ZXDC: variants seen among roughly 807,000 people sequenced by gnomAD.
ZXDC encodes the protein ZXD family zinc finger C.
In ZXDC, 58 loss-of-function variants were observed where a neutral mutation model predicts 63.6. The ratio of observed to expected loss-of-function variants is 0.91; its 90% CI spans 0.74 to 1.13. The LOEUF is 1.13. ZXDC is among the 50% of genes most tolerant of loss of function. The pLI, the probability that ZXDC is intolerant of heterozygous loss-of-function variation, is 0.00. For missense variants in ZXDC, 1,133 were observed against 1,148.9 expected (o/e 0.99, Z 0.20); for synonymous variants, 561 against 496.1 (o/e 1.13, Z -1.74).
At chr3:126,465,629 G>A (rs1934726663) in intron 5 of ZXDC, among the ~76,000 whole-genome samples, 1 of 152,208 alleles carries the variant, frequency 6.6e-6, no homozygotes, top group Non-Finnish European at 1.5e-5. Flanking sequence ...TCAACAAAGT[G>A]AAACATTCTT....
intron 6 of ZXDC, chr3:126,460,135 G>A (rs144596331): frequency 1.1e-5 from 11 of 985,406 alleles, no homozygotes; most frequent in East Asian, 2.3e-4. Context: ...TGGCAGGCCC[G>A]GGGCAGGTCC....
intron 7 of ZXDC, among the ~76,000 whole-genome samples, chr3:126,447,820 G>T (rs1933938974): frequency 6.6e-6 from 1 of 152,236 alleles, no homozygotes; most frequent in South Asian, 2.1e-4. Context: ...CTGACAGGCT[G>T]CCTCGCCCCA....
chr3:126,460,482 G>A (rs1343371467), intron 6 of ZXDC: 1 of 985,236 alleles, frequency 1.0e-6, no homozygotes, highest in Non-Finnish European at 1.2e-6. Flanking sequence ...GGTCTTGCTG[G>A]CTTCTCTACC....
At chr3:126,470,446 A>AC (rs1934941459) in intron 4 of ZXDC, among the ~76,000 whole-genome samples, 1 of 152,256 alleles carries the variant, frequency 6.6e-6, no homozygotes, top group Non-Finnish European at 1.5e-5. Context: ...AGCCTGGGTG[A>AC]CAGAGCAAGA....
intron 6 of ZXDC, 33 bp from the exon 7 acceptor site, chr3:126,459,770 T>C (rs747265060): frequency 2.2e-5 from 36 of 1,614,014 alleles, no homozygotes; most frequent in Non-Finnish European, 3.0e-5. Context: ...CAGTCACTTA[T>C]CTAGACACAA....
intron 7 of ZXDC, chr3:126,458,744 T>C (rs1035341945): frequency 1.0e-6 from 1 of 985,366 alleles, no homozygotes; most frequent in African/African-American, 1.7e-5. Context: ...CCTTGGTATA[T>C]GGTCAACTCT....
At chr3:126,453,394 T>C (rs1004614684) in intron 7 of ZXDC, 53 of 985,250 alleles carry the variant, frequency 5.4e-5, no homozygotes, top group South Asian at 1.9e-4. Flanking sequence ...AGCTGTCACA[T>C]TTAAGCATCA....
chr3:126,438,502 G>A, intron 9 of ZXDC, 41 bp from the exon 10 acceptor site: 1 of 1,566,464 alleles, frequency 6.4e-7, no homozygotes, highest in Non-Finnish European at 8.7e-7. Context: ...AGGAGGGAGG[G>A]GAGGCAGAGG....
chr3:126,462,880 GC>G (rs1478423835), intron 5 of ZXDC, among the ~76,000 whole-genome samples: 2 of 152,122 alleles, frequency 1.3e-5, no homozygotes, highest in Non-Finnish European at 2.9e-5. Flanking sequence ...TTCCAGGCAT[GC>G]TGGGGGCCCC....
chr3:126,464,254 A>G (rs1469630916), intron 5 of ZXDC, among the ~76,000 whole-genome samples: 2 of 152,236 alleles, frequency 1.3e-5, no homozygotes, highest in Non-Finnish European at 2.9e-5. Context: ...TAGATAGCAG[A>G]GCATCTGGCA....
At chr3:126,459,978 A>C in intron 6 of ZXDC, 1 of 985,498 alleles carries the variant, frequency 1.0e-6, no homozygotes, top group Non-Finnish European at 1.2e-6. Flanking sequence ...ATTCCTTCAT[A>C]GTCTAAAACA....
At chr3:126,442,213 C>A (rs1032277434) in intron 7 of ZXDC, 5 of 261,350 alleles carry the variant, frequency 1.9e-5, no homozygotes, top group Non-Finnish European at 2.8e-5. Flanking sequence ...TAATCAGACA[C>A]AAGCTGCAAA....
chr3:126,465,852 G>T (rs1388815108), intron 5 of ZXDC, among the ~76,000 whole-genome samples: 2 of 152,210 alleles, frequency 1.3e-5, no homozygotes, highest in African/African-American at 4.8e-5. Flanking sequence ...TCTGGAGACT[G>T]GGGTGGGAGG....
At chr3:126,443,024 T>A (rs939197049) in intron 7 of ZXDC, 2 of 152,210 alleles carry the variant, frequency 1.3e-5, no homozygotes, top group Non-Finnish European at 2.9e-5. Context: ...GTGCCCTGGG[T>A]CCCGGAGAGC....
intron 7 of ZXDC, among the ~76,000 whole-genome samples, chr3:126,447,703 T>C (rs1226199220): frequency 6.6e-6 from 1 of 152,224 alleles, no homozygotes; most frequent in Non-Finnish European, 1.5e-5. Context: ...TTGATTCATA[T>C]TTGTGATGTT....
intron 5 of ZXDC, among the ~76,000 whole-genome samples, chr3:126,464,864 AATTT>A (rs1934695087): frequency 1.3e-5 from 2 of 152,234 alleles, no homozygotes; most frequent in Non-Finnish European, 2.9e-5. Flanking sequence ...CCAGAAGGGC[AATTT>A]ATTTAAATAT....
intron 3 of ZXDC, 87 bp from the exon 4 acceptor site, chr3:126,471,112 A>C: frequency 6.7e-7 from 1 of 1,502,220 alleles, no homozygotes; most frequent in Non-Finnish European, 9.0e-7. Context: ...CCAAAACACA[A>C]ACTTTGCATT....
At chr3:126,474,897 C>A in intron 1 of ZXDC, 62 bp downstream of exon 1, 2 of 1,492,140 alleles carry the variant, frequency 1.3e-6, no homozygotes, top group Middle Eastern at 2.3e-4. Flanking sequence ...GTGGGGCGGA[C>A]GTGGCACCCC....
At chr3:126,439,942 C>A (rs1933614740) in intron 8 of ZXDC, 3 of 1,404,266 alleles carry the variant, frequency 2.1e-6, no homozygotes, top group Non-Finnish European at 2.8e-6. Context: ...TTGATCCCAG[C>A]AGCTTTTGCT....
Sources: allele counts gnomAD v4.1 joint callset (sites outside exome capture counted in the v4.1 genomes callset), GRCh38; gene constraint gnomAD v4.1.1; transcripts MANE v1.5; gene names NCBI Gene and HGNC (gene_info 2026-07-23, HGNC 2026-07-21).